The following PHACTR3 variants were observed in gnomAD, a reference collection of about 807,000 sequenced individuals.
PHACTR3 encodes protein phosphatase 1, regulatory subunit 123.
A neutral mutation model predicts 66.8 loss-of-function variants in PHACTR3; 16 were observed. That is an observed-to-expected ratio of 0.24 (90% CI 0.16 to 0.36). PHACTR3 has a LOEUF of 0.36. PHACTR3 is among the 10% of genes least tolerant of loss of function. PHACTR3 has a pLI of 1.00. For synonymous variants in PHACTR3, 323 were observed against 292.1 expected, an observed-to-expected ratio of 1.11 and a Z score of -1.08; for missense variants, 647 against 719.9, an observed-to-expected ratio of 0.90 and a Z score of 1.16.
intron 1 of PHACTR3, among the ~76,000 whole-genome samples, chr20:59,617,210 G>A (rs1250693717): frequency 4.6e-5 from 7 of 152,092 alleles, no homozygotes; most frequent in African/African-American, 9.7e-5. Context: ...TGATAGTGAC[G>A]TCTAGCACCC....
At chr20:59,636,787 A>C (rs539520094) in intron 1 of PHACTR3, among the ~76,000 whole-genome samples, 1 of 152,348 alleles carries the variant, frequency 6.6e-6, no homozygotes, top group African/African-American at 2.4e-5. Context: ...TTATTAATAC[A>C]GTGATGAAAA....
intron 8 of PHACTR3, among the ~76,000 whole-genome samples, chr20:59,828,063 T>A (rs1041827024): frequency 1.3e-5 from 2 of 152,232 alleles, no homozygotes; most frequent in African/African-American, 2.4e-5. Flanking sequence ...CCATTCCACT[T>A]GACTTCTGAA....
At chr20:59,788,420 C>T (rs2040989447) in intron 7 of PHACTR3, among the ~76,000 whole-genome samples, 1 of 152,078 alleles carries the variant, frequency 6.6e-6, no homozygotes, top group Non-Finnish European at 1.5e-5. Context: ...CCCCTCCTCC[C>T]CCATTGTTGG....
At chr20:59,791,148 T>C (rs913002052) in intron 7 of PHACTR3, among the ~76,000 whole-genome samples, 4 of 152,178 alleles carry the variant, frequency 2.6e-5, no homozygotes, top group African/African-American at 9.7e-5. Flanking sequence ...GAGGTGGGAC[T>C]TCTAAAAGGT....
intron 7 of PHACTR3, among the ~76,000 whole-genome samples, chr20:59,782,529 G>GGT (rs746437323): frequency 7.9e-5 from 12 of 152,188 alleles, no homozygotes; most frequent in Non-Finnish European, 1.5e-4. Context: ...TGGGATTACA[G>GGT]GTGTGAGCCA....
At chr20:59,715,867 T>C (rs1359304093) in intron 1 of PHACTR3, among the ~76,000 whole-genome samples, 1 of 152,156 alleles carries the variant, frequency 6.6e-6, no homozygotes, top group Non-Finnish European at 1.5e-5. Context: ...GAATGATTCA[T>C]TTGTATATTT....
chr20:59,741,754 CTTTTTT>C (rs5842281), intron 1 of PHACTR3, among the ~76,000 whole-genome samples: 3 of 139,392 alleles, frequency 2.2e-5, no homozygotes, highest in African/African-American at 8.1e-5. Flanking sequence ...TTCTTTCTTT[CTTTTTT>C]TTTTTTTTTC....
chr20:59,775,101 C>T (rs1568807980), intron 7 of PHACTR3, among the ~76,000 whole-genome samples: 1 of 152,116 alleles, frequency 6.6e-6, no homozygotes, highest in African/African-American at 2.4e-5. Flanking sequence ...GGTAATTGCT[C>T]CATCCTACCC....
At position 59,757,948 on chromosome 20, in the gene PHACTR3, C is replaced by T. The variant is rs372129190; in HGVS notation, c.541+2584C>T. On this transcript the variant is annotated intron_variant, in intron 4 of 12. Coordinates refer to ENST00000371015, the MANE Select transcript of PHACTR3 (RefSeq NM_080672.5). ...TCACACCACTGCACTCCAGTCTGGG[C>T]GACAGAGCCAGACCCTGCTTCAAAA... Among the ~76,000 whole-genome samples the T allele has an allele frequency of 9.9e-5, 15 of 152,156 alleles. No homozygotes were observed. The East Asian group carries it at 1.4e-3, about 14-fold the overall frequency.
chr20:59,740,008 G>T (rs535117704), intron 1 of PHACTR3, among the ~76,000 whole-genome samples: 1 of 152,270 alleles, frequency 6.6e-6, no homozygotes. Context: ...GATATAAAAT[G>T]GAATGATCTC....
chr20:59,690,086 G>A (rs765117167), intron 1 of PHACTR3, among the ~76,000 whole-genome samples: 8 of 152,108 alleles, frequency 5.3e-5, no homozygotes, highest in Non-Finnish European at 8.8e-5. Context: ...GTTGCTCATG[G>A]CTTGTAAAAT....
At chr20:59,803,407 T>C (rs993434900) in intron 7 of PHACTR3, among the ~76,000 whole-genome samples, 5 of 152,176 alleles carry the variant, frequency 3.3e-5, no homozygotes, top group Non-Finnish European at 7.3e-5. Context: ...TACCTAACAA[T>C]GTTCTTTCTA....
chr20:59,752,318 T>C (rs1321835073), intron 3 of PHACTR3, among the ~76,000 whole-genome samples: 2 of 152,206 alleles, frequency 1.3e-5, no homozygotes, highest in Non-Finnish European at 2.9e-5. Flanking sequence ...ACACGTTCCC[T>C]CTCACTGTGG....
In PHACTR3 at chr20:59,829,165, T is replaced by G. The variant is rs184662732; in HGVS notation, c.1329-7340T>G. On this transcript the variant is annotated intron_variant, in intron 8 of 12. Transcript: ENST00000371015. This position sits in a 1 kb window ranked among gnomAD's most constrained non-coding sequence, Gnocchi z 4.2. ...GAAAAGGTCGGCTTTGGACTCAGAG[T>G]GCCTGGAGTCACATCCTCCCCGGCA... Among the ~76,000 whole-genome samples the G allele has an allele frequency of 6.6e-6, 1 of 151,982 alleles. No homozygotes were observed. The highest frequency in any genetic ancestry group is 2.4e-5 in the African/African-American group (1 of 41,470).
intron 1 of PHACTR3, among the ~76,000 whole-genome samples, chr20:59,679,511 T>C (rs930122219): frequency 1.3e-5 from 2 of 152,234 alleles, no homozygotes; most frequent in African/African-American, 2.4e-5. Context: ...ACAGCTTTTC[T>C]TGTGTGTGTG....
chr20:59,822,020 G>A (rs113469478), intron 8 of PHACTR3, among the ~76,000 whole-genome samples: 7,398 of 20,388 alleles, frequency 0.36, 668 homozygotes, highest in East Asian at 0.6. Context: ...CTTCCCCAGC[G>A]ATCCCACCCC....
chr20:59,726,880 T>G (rs895599223), intron 1 of PHACTR3, among the ~76,000 whole-genome samples: 15 of 152,206 alleles, frequency 9.9e-5, no homozygotes, highest in African/African-American at 3.6e-4. Context: ...TATGTCCAGT[T>G]AAATATGTTA....
Position 59,847,118 on chromosome 20 carries a change from C to G in PHACTR3, c.1668C>G (p.Phe556Leu). The G allele has an allele frequency of 1.3e-6, 2 of 1,523,072 alleles. No individual in the cohort carries two copies. 94.3% of individuals were successfully genotyped at this position (1,523,072 alleles called of 1,614,324 possible). A position where few individuals can be genotyped will look rare whatever the true frequency, so the allele number is the denominator to read the frequency against. The change falls in exon 13 of 13, where the codon TTC becomes TTG. Residue 556 changes from phenylalanine (F) to leucine (L), a missense_variant. By Grantham distance (22) the Phe-to-Leu change is conservative. Transcript: ENST00000371015. ...TTGTCTTTTTTATAATCTCTAGATT[C>G]CACAGGCCATAGAGATTTTCTTCTG... is the stretch of plus-strand genomic sequence containing the variant. ...VHASSKHLTR[F>L]HRP
chr20:59,665,831 C>T (rs2035966270), intron 1 of PHACTR3, among the ~76,000 whole-genome samples: 1 of 152,168 alleles, frequency 6.6e-6, no homozygotes, highest in African/African-American at 2.4e-5. Flanking sequence ...CACAAGCTAA[C>T]TCTATGTTGG....
Sources: gnomAD v4.1 joint callset for allele counts (sites outside exome capture counted in the v4.1 genomes callset) on GRCh38, gnomAD v4.1.1 for gene constraint, Gnocchi (gnomAD v3.1) non-coding constraint, MANE v1.5 for transcripts, NCBI Gene and HGNC (gene_info 2026-07-23, HGNC 2026-07-21) for gene names.